The following PSME4 variants were observed in gnomAD, a reference collection of about 807,000 sequenced individuals.
PSME4 encodes the protein proteasome activator subunit 4.
In PSME4, 89 loss-of-function variants were observed where a neutral mutation model predicts 253.9. That is an observed-to-expected ratio of 0.35 (90% CI 0.30 to 0.42). The LOEUF is 0.42. Among genes scored for constraint, PSME4 ranks in the 10% least tolerant of loss-of-function variants. The pLI is 1.00. For synonymous variants in PSME4, 851 were observed against 759.2 expected (o/e 1.12, Z -1.99); for missense variants, 2,014 against 2,195.2 (o/e 0.92, Z 1.65).
At chr2:53,896,941 T>C (rs989655071) in intron 31 of PSME4, 56 bp from the exon 32 acceptor site, 76 of 1,277,790 alleles carry the variant, frequency 5.9e-5, no homozygotes, top group Non-Finnish European at 8.4e-5. Context: ...ACTTAACTGG[T>C]TGTCTGCTTT....
At chr2:53,920,056 A>G (rs1668227065) in intron 19 of PSME4, 137 bp downstream of exon 19, 2 of 783,380 alleles carry the variant, frequency 2.6e-6, no homozygotes. Flanking sequence ...CATTATATTA[A>G]ATGATTTTCT....
chr2:53,901,178 A>G (rs1209461709), intron 28 of PSME4, among the ~76,000 whole-genome samples, 172 bp downstream of exon 28: 1 of 152,210 alleles, frequency 6.6e-6, no homozygotes, highest in African/African-American at 2.4e-5. Context: ...GTTATGTACA[A>G]TAATGATCAA....
intron 3 of PSME4, chr2:53,942,272 C>T (rs1669487852): frequency 6.6e-6 from 1 of 152,364 alleles, no homozygotes; most frequent in Admixed American, 6.6e-5. Context: ...TACTAGACTA[C>T]ATTTCACTAA....
intron 40 of PSME4, among the ~76,000 whole-genome samples, chr2:53,886,304 G>A (rs149968929): frequency 6.6e-6 from 1 of 152,306 alleles, no homozygotes; most frequent in East Asian, 1.9e-4. Flanking sequence ...AGCTACTCAG[G>A]AGGCTGAGGT....
At chr2:53,950,800 C>T (rs1044199213) in intron 1 of PSME4, among the ~76,000 whole-genome samples, 2 of 145,760 alleles carry the variant, frequency 1.4e-5, no homozygotes, top group East Asian at 4.1e-4. Context: ...AAGAGTGTGC[C>T]GTTGCACTCC....
chr2:53,951,936 G>C (rs1226238969), intron 1 of PSME4, among the ~76,000 whole-genome samples: 1 of 152,012 alleles, frequency 6.6e-6, no homozygotes, highest in Non-Finnish European at 1.5e-5. Flanking sequence ...TATTATTTTG[G>C]GCTGTTGAAT....
At chr2:53,870,373 G>GTTTTTT (rs371507997) in intron 43 of PSME4, 3 of 115,906 alleles carry the variant, frequency 2.6e-5, no homozygotes, top group African/African-American at 3.5e-5. Context: ...TTTTCTTTTC[G>GTTTTTT]TTTTTTTTTT....
In PSME4 at chr2:53,927,462, T is replaced by A; in HGVS notation, c.1525A>T (p.Thr509Ser). 1 of 1,593,020 alleles carries A rather than the reference T, an allele frequency of 6.3e-7. No individual in the cohort carries two copies. Among genetic ancestry groups the A allele is most frequent in the Non-Finnish European group, 8.6e-7 (1 of 1,160,850 alleles). The change falls in exon 12 of 47, where the codon ACA becomes TCA. Residue 509 changes from threonine (T) to serine (S), a missense_variant. Around this residue, in one of 4 missense-constraint regions of PSME4, gnomAD observed 989 missense variants for 1,021.1 expected, o/e 0.97. Transcript: ENST00000404125. ...ACTAAAGGCACCAGAGTAGAAAATG[T>A]TGCTATGAACTGGAATGTGATCTGT... ...KCMITFQFIA[T>S]FSTLVPLVDC...
rs1369024398 is a variant in PSME4, at chr2:53,887,248, T to G, written c.4729+11A>C. The G allele has an allele frequency of 6.2e-7, 1 of 1,600,792 alleles. No individual in the cohort carries two copies. Among genetic ancestry groups the G allele is most frequent in the Non-Finnish European group, 8.6e-7 (1 of 1,168,138 alleles). On this transcript the variant is annotated intron_variant, in intron 40 of 46. Transcript: ENST00000404125. ...TTTTCAACTGAGTTTCTACTAATTT[T>G]ATCCACTCACTGGTTTTCAAGAGTT... is the stretch of plus-strand genomic sequence containing the variant.
Position 53,937,556 on chromosome 2 carries a change from G to T in PSME4, c.546-16C>A, listed in dbSNP as rs200507682. ...TGGAAAATATCTAATAAAAAAAGAA[G>T]GTTTTCATGTATCTGATTATTGGCT... On this transcript the variant is annotated splice_polypyrimidine_tract_variant and intron_variant, in intron 4 of 46. Coordinates refer to ENST00000404125, the MANE Select transcript of PSME4 (RefSeq NM_014614.3). 2 of 1,604,578 alleles carry T rather than the reference G, an allele frequency of 1.2e-6. No homozygotes were observed. The highest frequency in any genetic ancestry group is 1.7e-6 in the Non-Finnish European group (2 of 1,176,636).
intron 1 of PSME4, among the ~76,000 whole-genome samples, chr2:53,950,048 G>A (rs774589528): frequency 2.0e-5 from 3 of 152,158 alleles, no homozygotes; most frequent in Admixed American, 6.5e-5. Context: ...GCTAAAGCAG[G>A]AGGATCACTT....
At chr2:53,913,875 G>A (rs1667942681) in intron 20 of PSME4, among the ~76,000 whole-genome samples, 6 of 152,222 alleles carry the variant, frequency 3.9e-5, no homozygotes, top group Admixed American at 3.9e-4. Flanking sequence ...ACTCACCGTG[G>A]AGTAGTAACT....
At chr2:53,962,483 A>C (rs1380008741) in intron 1 of PSME4, among the ~76,000 whole-genome samples, 2 of 152,098 alleles carry the variant, frequency 1.3e-5, no homozygotes, top group African/African-American at 4.8e-5. Flanking sequence ...ACAACACTGC[A>C]GAAAGAACAC....
chr2:53,885,487 A>T (rs1476144430), intron 41 of PSME4, among the ~76,000 whole-genome samples: 1 of 152,218 alleles, frequency 6.6e-6, no homozygotes, highest in Admixed American at 6.5e-5. Flanking sequence ...TAGCTGTCAA[A>T]ATCCTGCTAT....
At chr2:53,896,345 C>A (rs1261573084) in intron 32 of PSME4, among the ~76,000 whole-genome samples, 1 of 152,082 alleles carries the variant, frequency 6.6e-6, no homozygotes, top group Non-Finnish European at 1.5e-5. Context: ...CAGGATTAAA[C>A]ATTGCATTAA....
chr2:53,947,586 G>C (rs1669778496), intron 3 of PSME4, among the ~76,000 whole-genome samples: 1 of 152,038 alleles, frequency 6.6e-6, no homozygotes, highest in African/African-American at 2.4e-5. Flanking sequence ...GGCACCTGTA[G>C]TCCCAGCTAC....
chr2:53,894,786 A>C (rs1161559128), intron 34 of PSME4, among the ~76,000 whole-genome samples: 29 of 152,232 alleles, frequency 1.9e-4, no homozygotes, highest in Non-Finnish European at 2.2e-4. Flanking sequence ...TGAATGGGGT[A>C]GTAACTCAGT....
Position 53,890,440 on chromosome 2 carries a change from T to C in PSME4, c.4192-232A>G, listed in dbSNP as rs181899572. Among the ~76,000 whole-genome samples the C allele has an allele frequency of 8.3e-4, 126 of 152,280 alleles. 1 individual carries two copies. Among genetic ancestry groups the C allele is most frequent in the Middle Eastern group, 3.4e-3 (1 of 294 alleles). ...ACTCGCTTCAGCCTTCCAAGGAGCATGGACTATAGGTGTGTGCCACTATGC... is the reference window on the plus strand; with the variant it reads ...ACTCGCTTCAGCCTTCCAAGGAGCACGGACTATAGGTGTGTGCCACTATGC... On this transcript the variant is annotated intron_variant, in intron 36 of 46. Transcript: ENST00000404125.
At chr2:53,917,675 A>T (rs1256781209) in intron 20 of PSME4, among the ~76,000 whole-genome samples, 1 of 152,192 alleles carries the variant, frequency 6.6e-6, no homozygotes, top group Non-Finnish European at 1.5e-5. Context: ...CTTCAAGCAG[A>T]ACTCAATTTG....
Sources: allele counts gnomAD v4.1 joint callset (sites outside exome capture counted in the v4.1 genomes callset), GRCh38; gene constraint gnomAD v4.1.1; regional missense constraint gnomAD v4.1.1; transcripts MANE v1.5; gene names NCBI Gene and HGNC (gene_info 2026-07-23, HGNC 2026-07-21).